NEGR1: variants seen among roughly 807,000 people sequenced by gnomAD.
NEGR1 encodes the protein neuronal growth regulator 1.
Under a neutral mutation model 40.9 loss-of-function variants are expected in NEGR1, and 10 were observed. That is an observed-to-expected ratio of 0.24 (90% confidence interval 0.15 to 0.42). The LOEUF is 0.42. Ranked by LOEUF, NEGR1 falls within the 10% of genes least tolerant of loss-of-function variation. NEGR1 has a pLI of 1.00. For missense variants in NEGR1, 352 were observed against 438.9 expected, an observed-to-expected ratio of 0.80 and a Z score of 1.77; for synonymous variants, 185 against 166.8, an observed-to-expected ratio of 1.11 and a Z score of -0.84.
chr1:72,106,560 T>C lies in NEGR1; in HGVS notation c.177-171249A>G, dbSNP rs535556181. On this transcript the variant is annotated intron_variant, in intron 1 of 6. Coordinates refer to ENST00000357731, the MANE Select transcript of NEGR1 (RefSeq NM_173808.3). ...GGGAGAAAAAAAAATGAACTTAAAT[T>C]ATAAGATTTTAATTTCTAGGATGAT... Among the ~76,000 whole-genome samples, 6 of 152,160 alleles carry C rather than the reference T, an allele frequency of 3.9e-5. No homozygotes were observed. The East Asian group carries it at 1.2e-3, about 29-fold the overall frequency.
At chr1:71,830,110 A>G (rs969497977) in intron 2 of NEGR1, among the ~76,000 whole-genome samples, 3 of 151,954 alleles carry the variant, frequency 2.0e-5, no homozygotes, top group Non-Finnish European at 2.9e-5. Flanking sequence ...AGATCAAGAA[A>G]TAGGACTTTT....
At chr1:72,115,185 C>T (rs577953244) in intron 1 of NEGR1, among the ~76,000 whole-genome samples, 46 of 149,886 alleles carry the variant, frequency 3.1e-4, no homozygotes, top group South Asian at 1.3e-3. Context: ...GTGAAAAATG[C>T]GTTAATTGTG....
intron 3 of NEGR1, among the ~76,000 whole-genome samples, chr1:71,754,993 T>C (rs756129219): frequency 1.3e-5 from 2 of 152,202 alleles, no homozygotes; most frequent in Non-Finnish European, 2.9e-5. Flanking sequence ...GTTTCATTTA[T>C]TGTCCTGACC....
intron 4 of NEGR1, among the ~76,000 whole-genome samples, chr1:71,657,597 A>G (rs939363249): frequency 3.1e-4 from 47 of 152,314 alleles, no homozygotes; most frequent in African/African-American, 1.1e-3. Flanking sequence ...GGCAAACATA[A>G]AAGGCAAGGA....
At chr1:71,703,709 T>C (rs1002829630) in intron 3 of NEGR1, among the ~76,000 whole-genome samples, 1 of 151,778 alleles carries the variant, frequency 6.6e-6, no homozygotes, top group Non-Finnish European at 1.5e-5. Context: ...TATTGTTAAC[T>C]TGAAGGCAGA....
chr1:72,238,310 A>G (rs1654627565), intron 1 of NEGR1, among the ~76,000 whole-genome samples: 1 of 151,938 alleles, frequency 6.6e-6, no homozygotes, highest in Admixed American at 6.6e-5. Flanking sequence ...TAAATAAAAT[A>G]TGATTGAATA....
At chr1:72,267,719 T>G (rs991854356) in intron 1 of NEGR1, among the ~76,000 whole-genome samples, 3 of 151,218 alleles carry the variant, frequency 2.0e-5, no homozygotes, top group Non-Finnish European at 4.4e-5. Flanking sequence ...TATCGTTTGC[T>G]TTGTTGGTAA....
rs114810721 is a variant in NEGR1, at chr1:71,918,675, T to C, written c.409+16404A>G. Among the ~76,000 whole-genome samples the C allele has an allele frequency of 4.3e-3, 578 of 134,740 alleles. 2 individuals are homozygous for C. Among genetic ancestry groups the C allele is most frequent in the African/African-American group, 0.015 (552 of 37,376 alleles). 88.4% of individuals were successfully genotyped at this position (134,740 alleles called of 152,430 possible). A position where few individuals can be genotyped will look rare whatever the true frequency, so the allele number is the denominator to read the frequency against. On this transcript the variant is annotated intron_variant, in intron 2 of 6. Transcript: ENST00000357731. ...GCTCTTTTTAAATGAGAGTATGGTA[T>C]GCTGTGCCAAAAAAAAAAAAATCGA... is the stretch of plus-strand genomic sequence containing the variant.
At chr1:71,935,396 G>C in intron 1 of NEGR1, 85 bp from the exon 2 acceptor site, 1 of 907,196 alleles carries the variant, frequency 1.1e-6, no homozygotes. Flanking sequence ...TTTTTCTTTT[G>C]CTGAATAATA....
intron 1 of NEGR1, among the ~76,000 whole-genome samples, chr1:72,110,044 G>T (rs1489448676): frequency 2.6e-5 from 4 of 151,322 alleles, no homozygotes; most frequent in African/African-American, 4.8e-5. Flanking sequence ...AAAACTTTTA[G>T]AACTTGTCCT....
chr1:72,107,708 A>T (rs1360002967), intron 1 of NEGR1, among the ~76,000 whole-genome samples: 1 of 151,460 alleles, frequency 6.6e-6, no homozygotes, highest in Non-Finnish European at 1.5e-5. Context: ...ATGTAGAATG[A>T]CACAGACTTA....
At chr1:71,530,302 T>C (rs975541432) in intron 6 of NEGR1, among the ~76,000 whole-genome samples, 3 of 151,418 alleles carry the variant, frequency 2.0e-5, no homozygotes, top group Admixed American at 2.0e-4. Flanking sequence ...TTTTAGTAGT[T>C]TGATTTTATT....
chr1:71,712,200 C>G (rs1654120189), intron 3 of NEGR1, among the ~76,000 whole-genome samples: 1 of 152,074 alleles, frequency 6.6e-6, no homozygotes, highest in Non-Finnish European at 1.5e-5. Flanking sequence ...TATTGATATA[C>G]TACTATACAT....
chr1:71,531,626 C>CAG (rs1306000783), intron 6 of NEGR1, among the ~76,000 whole-genome samples: 3 of 151,174 alleles, frequency 2.0e-5, no homozygotes, highest in Non-Finnish European at 4.4e-5. Context: ...ATATGACACT[C>CAG]AACTTTGAGA....
intron 6 of NEGR1, among the ~76,000 whole-genome samples, chr1:71,537,311 T>C (rs144853363): frequency 1.4e-4 from 22 of 151,820 alleles, no homozygotes; most frequent in Non-Finnish European, 3.1e-4. Context: ...TAGCATCCCA[T>C]TCTCTACCTT....
At chr1:71,955,998 A>C (rs1181919827) in intron 1 of NEGR1, among the ~76,000 whole-genome samples, 1 of 152,308 alleles carries the variant, frequency 6.6e-6, no homozygotes, top group Non-Finnish European at 1.5e-5. Context: ...AATATGGATA[A>C]ATTCAATTTC....
chr1:71,485,096 A>G (rs1646878108), intron 6 of NEGR1, among the ~76,000 whole-genome samples: 1 of 151,662 alleles, frequency 6.6e-6, no homozygotes, highest in Admixed American at 6.6e-5. Context: ...GCTTGAGGGT[A>G]TTCCCATGAG....
At chr1:72,277,602 G>C (rs773622977) in intron 1 of NEGR1, among the ~76,000 whole-genome samples, 4 of 151,970 alleles carry the variant, frequency 2.6e-5, no homozygotes, top group Non-Finnish European at 4.4e-5. Flanking sequence ...ATCAATATAG[G>C]TAACATTTAG....
chr1:71,702,064 G>T (rs1321848083), intron 3 of NEGR1, among the ~76,000 whole-genome samples: 2 of 151,962 alleles, frequency 1.3e-5, no homozygotes, highest in Non-Finnish European at 2.9e-5. Flanking sequence ...GCAAATAAAA[G>T]TAACTAGTAA....
Sources: gnomAD v4.1 joint callset for allele counts (sites outside exome capture counted in the v4.1 genomes callset) on GRCh38, gnomAD v4.1.1 for gene constraint, MANE v1.5 for transcripts, NCBI Gene and HGNC (gene_info 2026-07-23, HGNC 2026-07-21) for gene names.